The following GOLGA5 variants were observed in gnomAD, a reference collection of about 807,000 sequenced individuals.
GOLGA5 encodes golgin subfamily A member 5.
In GOLGA5, 50 loss-of-function variants were observed where a neutral mutation model predicts 93.5. The ratio of observed to expected loss-of-function variants is 0.53; its 90% confidence interval spans 0.43 to 0.68. The LOEUF is 0.68. Among genes scored for constraint, GOLGA5 ranks in the 30% least tolerant of loss-of-function variants. The probability of loss-of-function intolerance (pLI) is 0.00; values close to 1 mark genes in which losing one functional copy is unlikely to be tolerated. For missense variants in GOLGA5, 760 were observed against 856.4 expected (o/e 0.89, Z 1.40); for synonymous variants, 312 against 304.5 (o/e 1.02, Z -0.26).
intron 8 of GOLGA5, among the ~76,000 whole-genome samples, chr14:92,820,642 G>T (rs1462014740): frequency 6.6e-6 from 1 of 152,190 alleles, no homozygotes; most frequent in African/African-American, 2.4e-5. Context: ...GAGAAACCTT[G>T]GACAATACCC....
chr14:92,797,362 T>C, intron 1 of GOLGA5, 46 bp from the exon 2 acceptor site: 8 of 1,117,614 alleles, frequency 7.2e-6, no homozygotes, highest in Non-Finnish European at 1.0e-5. Context: ...CCATTTATCA[T>C]ACTCTGCCAC....
chr14:92,794,683 C>T (rs909281765), intron 1 of GOLGA5, among the ~76,000 whole-genome samples: 5 of 152,250 alleles, frequency 3.3e-5, no homozygotes, highest in African/African-American at 2.4e-5. Flanking sequence ...CCTGCCTGGC[C>T]TGGCCGTTCT....
At chr14:92,817,644 TAAAAG>T (rs543338714) in intron 7 of GOLGA5, among the ~76,000 whole-genome samples, 486 of 152,288 alleles carry the variant, frequency 3.2e-3, no homozygotes, top group Middle Eastern at 0.014. Flanking sequence ...TTCCTTTTCT[TAAAAG>T]GAAGAAACTT....
chr14:92,798,127 A>G, intron 2 of GOLGA5, 146 bp downstream of exon 2: 2 of 636,732 alleles, frequency 3.1e-6, no homozygotes, highest in Non-Finnish European at 5.5e-6. Flanking sequence ...GGTGTAAACA[A>G]GGGAGACATC....
intron 9 of GOLGA5, among the ~76,000 whole-genome samples, chr14:92,825,059 G>A (rs1034505464): frequency 6.6e-6 from 1 of 152,042 alleles, no homozygotes; most frequent in Non-Finnish European, 1.5e-5. Flanking sequence ...AATGTAAAAT[G>A]TACAGAAAAT....
At chr14:92,806,655 T>G in intron 2 of GOLGA5, 81 bp from the exon 3 acceptor site, 1 of 917,162 alleles carries the variant, frequency 1.1e-6, no homozygotes, top group Non-Finnish European at 1.8e-6. Flanking sequence ...GCAGTCAACT[T>G]GAGCATCCTA....
chr14:92,831,162 G>C (rs2140334295), intron 9 of GOLGA5, among the ~76,000 whole-genome samples: 1 of 152,298 alleles, frequency 6.6e-6, no homozygotes, highest in African/African-American at 2.4e-5. Context: ...CTCACCCACT[G>C]CTGGTGGAAG....
At chr14:92,804,956 T>G (rs1884953135) in intron 2 of GOLGA5, among the ~76,000 whole-genome samples, 1 of 152,180 alleles carries the variant, frequency 6.6e-6, no homozygotes, top group Non-Finnish European at 1.5e-5. Context: ...AACACTCCCA[T>G]TTTTAAGTCA....
rs538926061 is a variant in GOLGA5, at chr14:92,822,605, G to T, written c.1621-1941G>T. Among the ~76,000 whole-genome samples, 3 of 152,238 alleles carry T rather than the reference G, an allele frequency of 2.0e-5. No individual in the cohort carries two copies. In the East Asian group the frequency reaches 5.8e-4, roughly 29 times the overall value. On this transcript the variant is annotated intron_variant, in intron 8 of 12. Transcript: ENST00000163416. Reference sequence around the variant, plus strand: ...TATGAATTGCAAATAATTTTTCCCAGCTTGTCATCTGTCTTTTAGTTTGCA... The same window carrying T: ...TATGAATTGCAAATAATTTTTCCCATCTTGTCATCTGTCTTTTAGTTTGCA...
chr14:92,822,159 C>T (rs1273275915), intron 8 of GOLGA5, among the ~76,000 whole-genome samples: 2 of 152,138 alleles, frequency 1.3e-5, no homozygotes, highest in Non-Finnish European at 2.9e-5. Context: ...TCAGACAAAC[C>T]TTGTAAAGTG....
In GOLGA5 at chr14:92,835,598, C is replaced by A. The variant is rs1885625407; in HGVS notation, c.1985C>A (p.Thr662Lys). ...LRNVPVLFND[T>K]ETNLAGMYGK... ...AATGTTCCTGTTCTTTTTAATGACA[C>A]AGAAACTAATCTGGCAGGAATGTAC... Residue 662 changes from threonine (T) to lysine (K), a missense_variant, in exon 11 of 13, where the codon ACA becomes AAA. Thr to Lys is a moderately conservative substitution (Grantham distance 78). Transcript: ENST00000163416. 3 of 1,613,366 alleles carry A rather than the reference C, an allele frequency of 1.9e-6. No homozygotes were observed. The highest frequency in any genetic ancestry group is 2.5e-6 in the Non-Finnish European group (3 of 1,179,524).
intron 8 of GOLGA5, 109 bp downstream of exon 8, chr14:92,819,945 TA>T (rs767107571): frequency 9.4e-7 from 1 of 1,059,752 alleles, no homozygotes. Flanking sequence ...GGCTTAGGGT[TA>T]CCCCACAAGT....
intron 5 of GOLGA5, 83 bp from the exon 6 acceptor site, chr14:92,811,468 C>A: frequency 1.0e-6 from 1 of 965,838 alleles, no homozygotes; most frequent in Non-Finnish European, 1.7e-6. Context: ...TAATAAATCC[C>A]ATAAGATATC....
At chr14:92,796,772 C>T (rs2140309312) in intron 1 of GOLGA5, among the ~76,000 whole-genome samples, 2 of 120,006 alleles carry the variant, frequency 1.7e-5, no homozygotes, top group Admixed American at 1.8e-4. Context: ...AGATCGAGAC[C>T]ATCCCGGCTA....
intron 9 of GOLGA5, among the ~76,000 whole-genome samples, chr14:92,830,034 T>C (rs1439181592): frequency 1.3e-5 from 2 of 152,116 alleles, no homozygotes; most frequent in African/African-American, 2.4e-5. Flanking sequence ...TAAAGCAAGC[T>C]TGGGCCGGGC....
intron 2 of GOLGA5, among the ~76,000 whole-genome samples, chr14:92,803,452 T>C (rs1884916954): frequency 6.6e-6 from 1 of 152,260 alleles, no homozygotes; most frequent in Non-Finnish European, 1.5e-5. Context: ...GTTGTGTTAA[T>C]TAATTGGTGT....
chr14:92,813,943 G>A (rs1460228801), intron 6 of GOLGA5, among the ~76,000 whole-genome samples: 1 of 151,992 alleles, frequency 6.6e-6, no homozygotes. Flanking sequence ...AAGGATGGGG[G>A]AAAAAGGCAA....
chr14:92,795,597 CAT>C (rs1489924910), intron 1 of GOLGA5, among the ~76,000 whole-genome samples: 2 of 152,166 alleles, frequency 1.3e-5, no homozygotes, highest in Non-Finnish European at 2.9e-5. Flanking sequence ...CAGCATCAGT[CAT>C]ATAAAAATTC....
intron 5 of GOLGA5, 74 bp from the exon 6 acceptor site, chr14:92,811,477 T>C (rs1885100207): frequency 1.5e-5 from 15 of 1,025,746 alleles, no homozygotes; most frequent in East Asian, 2.4e-5. Context: ...CCATAAGATA[T>C]CCGAATGGAT....
Sources: gnomAD v4.1 joint callset for allele counts (sites outside exome capture counted in the v4.1 genomes callset) on GRCh38, gnomAD v4.1.1 for gene constraint, MANE v1.5 for transcripts, NCBI Gene and HGNC (gene_info 2026-07-23, HGNC 2026-07-21) for gene names.